Variants in SEC14L4 observed in about 807,000 individuals in gnomAD.
SEC14L4 encodes SEC14 like lipid binding 4.
A neutral mutation model predicts 55.1 loss-of-function variants in SEC14L4; 42 were observed. That is an observed-to-expected ratio of 0.76 (90% confidence interval 0.60 to 0.99). SEC14L4 has a LOEUF of 0.99. Ranked by LOEUF, SEC14L4 falls within the 50% of genes least tolerant of loss-of-function variation. The pLI, the probability that SEC14L4 is intolerant of heterozygous loss-of-function variation, is 0.00. For missense variants in SEC14L4, 445 were observed against 512.1 expected (o/e 0.87, Z 1.27); for synonymous variants, 206 against 206.8 (o/e 1.00, Z 0.03).
At chr22:30,500,527 C>T (rs970187142) in intron 2 of SEC14L4, among the ~76,000 whole-genome samples, 1 of 151,820 alleles carries the variant, frequency 6.6e-6, no homozygotes. Flanking sequence ...CCAACACACC[C>T]GGCTTATTTT....
At position 30,489,761 on chromosome 22, in the gene SEC14L4, T is replaced by TGGGG. The variant is rs746938650; in HGVS notation, c.*345_*346insCCCC. 194 of 1,115,888 alleles carry TGGGG rather than the reference T, an allele frequency of 1.7e-4. No individual in the cohort carries two copies. Among genetic ancestry groups the TGGGG allele is most frequent in the Non-Finnish European group, 2.5e-4 (188 of 750,076 alleles). The allele number at this position is 1,115,888 out of a possible 1,614,324, so 69.1% of individuals were successfully genotyped here. On this transcript the variant is annotated 3_prime_UTR_variant, in exon 12 of 12. Transcript: ENST00000255858. ...CCCCCTGAAGCTGGAACACCAGGCA[T>TGGGG]GGGTGAGTCCTGGGTGGCTGGATCT... is the stretch of plus-strand genomic sequence containing the variant.
At chr22:30,495,225 T>C (rs779828588) in intron 5 of SEC14L4, 29 bp downstream of exon 5, 2 of 1,564,524 alleles carry the variant, frequency 1.3e-6, no homozygotes, top group South Asian at 1.2e-5. Flanking sequence ...TGTAGACAGA[T>C]GAGGCCCAGC....
At position 30,495,871 on chromosome 22, in the gene SEC14L4, CA is replaced by C. The variant is rs1936133052; in HGVS notation, c.174+56del. On this transcript the variant is annotated intron_variant, in intron 3 of 11. Transcript: ENST00000255858. ...GGCCAGAGTCTCTACCCTTTTGCAG[CA>C]AATCCCTGGGTCACAGTGCATGGAA... The C allele has an allele frequency of 1.1e-5, 18 of 1,595,558 alleles. No homozygotes were observed. In the South Asian group the frequency reaches 1.9e-4, roughly 17 times the overall value.
intron 2 of SEC14L4, 50 bp from the exon 3 acceptor site, chr22:30,496,021 C>T: frequency 1.3e-6 from 2 of 1,561,974 alleles, no homozygotes; most frequent in Non-Finnish European, 1.8e-6. Flanking sequence ...CCAGAAAGAG[C>T]CCTTCCCTAA....
At chr22:30,505,105 C>T (rs1168507684) in intron 1 of SEC14L4, among the ~76,000 whole-genome samples, 1 of 147,466 alleles carries the variant, frequency 6.8e-6, no homozygotes, top group South Asian at 2.2e-4. Flanking sequence ...ACACTCCAGC[C>T]TGGACGACAG....
chr22:30,505,538 C>T lies in SEC14L4; in HGVS notation c.54+20G>A, dbSNP rs1325846874. ...GCTCAGGGCCCCTCCTCAAGCCTCC[C>T]AGCCCGCGATGCTCCTCACCCTGGC... On this transcript the variant is annotated intron_variant, in intron 1 of 11. Transcript: ENST00000255858. 6.4e-7 allele frequency: 1 copy of T among 1,557,678 alleles called. No homozygotes were observed.
intron 1 of SEC14L4, among the ~76,000 whole-genome samples, chr22:30,504,331 AG>A (rs11334022): frequency 0.23 from 35,420 of 152,020 alleles, 4,310 homozygotes; most frequent in Admixed American, 0.28. Context: ...CTGGGATCAC[AG>A]GCGTGAGCCA....
chr22:30,490,829 A>G (rs1935928260), intron 11 of SEC14L4, among the ~76,000 whole-genome samples: 1 of 152,162 alleles, frequency 6.6e-6, no homozygotes, highest in Non-Finnish European at 1.5e-5. Flanking sequence ...TCCTTTATCC[A>G]GATGTCCCAA....
Position 30,505,663 on chromosome 22 carries a change from C to A in SEC14L4, c.-52G>T. 1 of 1,494,716 alleles carries A rather than the reference C, an allele frequency of 6.7e-7. No homozygotes were observed. The highest frequency in any genetic ancestry group is 2.5e-5 in the East Asian group (1 of 40,518). 92.6% of individuals were successfully genotyped at this position (1,494,716 alleles called of 1,614,324 possible). Reference sequence around the variant, plus strand: ...GGGCGCAGGTCCGCCCGCCCGCCGCCGCCTGGCCTTGTATCCGCTGCCGCC... The same window carrying A: ...GGGCGCAGGTCCGCCCGCCCGCCGCAGCCTGGCCTTGTATCCGCTGCCGCC... On this transcript the variant is annotated 5_prime_UTR_variant, in exon 1 of 12. Coordinates refer to ENST00000255858, the MANE Select transcript of SEC14L4 (RefSeq NM_174977.4).
chr22:30,504,398 G>C (rs1479387507), intron 1 of SEC14L4, among the ~76,000 whole-genome samples: 1 of 152,146 alleles, frequency 6.6e-6, no homozygotes, highest in Non-Finnish European at 1.5e-5. Flanking sequence ...GTCTGATGCA[G>C]GCCAGCTAGG....
intron 6 of SEC14L4, 46 bp from the exon 7 acceptor site, chr22:30,494,256 C>G (rs1392576704): frequency 6.7e-7 from 1 of 1,497,980 alleles, no homozygotes; most frequent in Non-Finnish European, 9.3e-7. Context: ...TCCATCACCT[C>G]CCGCCCATGG....
chr22:30,494,033 C>T, intron 7 of SEC14L4, 117 bp downstream of exon 7: 3 of 778,608 alleles, frequency 3.9e-6, no homozygotes, highest in Non-Finnish European at 6.6e-6. Flanking sequence ...ACCAACCACA[C>T]AAAACCTGGT....
chr22:30,501,152 C>T (rs1209874969), intron 2 of SEC14L4, among the ~76,000 whole-genome samples: 1 of 152,160 alleles, frequency 6.6e-6, no homozygotes, highest in Non-Finnish European at 1.5e-5. Context: ...CAAGCTCAGC[C>T]TCAGCAGTAG....
At chr22:30,493,138 C>T (rs1261798814) in intron 7 of SEC14L4, among the ~76,000 whole-genome samples, 1 of 151,908 alleles carries the variant, frequency 6.6e-6, no homozygotes, top group African/African-American at 2.4e-5. Context: ...GCTGTCTCCC[C>T]AACCCAGTTG....
chr22:30,490,275 C>G lies in SEC14L4; in HGVS notation c.1082-29G>C, dbSNP rs559431928. ...CAGTGATGGAGAGGTGATCAGGGAG[C>G]ACAAACCCCGCACATCTGCAGGAAG... On this transcript the variant is annotated intron_variant, in intron 11 of 11. Transcript: ENST00000255858. 4.3e-6 allele frequency: 7 copies of G among 1,609,282 alleles called. No individual in the cohort carries two copies. The African/African-American group carries it at 8.0e-5, about 18-fold the overall frequency.
At chr22:30,496,186 T>A (rs73392182) in intron 2 of SEC14L4, among the ~76,000 whole-genome samples, 2,062 of 152,272 alleles carry the variant, frequency 0.014, 46 homozygotes, top group African/African-American at 0.046. Context: ...AGTGATGTGA[T>A]CATAGCTTAC....
chr22:30,495,240 C>G lies in SEC14L4; in HGVS notation c.423+14G>C. ...TGTAGACAGATGAGGCCCAGCCCCA[C>G]CCCCGCTGCTCACCTTCTGAGTTTG... On this transcript the variant is annotated intron_variant, in intron 5 of 11. Coordinates refer to ENST00000255858, the MANE Select transcript of SEC14L4 (RefSeq NM_174977.4). 1 of 1,591,130 alleles carries G rather than the reference C, an allele frequency of 6.3e-7. No homozygotes were observed. Among genetic ancestry groups the G allele is most frequent in the Admixed American group, 1.7e-5 (1 of 58,396 alleles).
At chr22:30,491,484 C>A in intron 11 of SEC14L4, 89 bp downstream of exon 11, 1 of 1,503,972 alleles carries the variant, frequency 6.6e-7, no homozygotes. Context: ...TTACAGAGAT[C>A]CCCCCACCCT....
At chr22:30,493,281 T>G (rs1246876802) in intron 7 of SEC14L4, among the ~76,000 whole-genome samples, 1 of 152,144 alleles carries the variant, frequency 6.6e-6, no homozygotes, top group Non-Finnish European at 1.5e-5. Flanking sequence ...TGTCCTGCCC[T>G]GAATTGCTCA....
Sources: allele counts gnomAD v4.1 joint callset (sites outside exome capture counted in the v4.1 genomes callset), GRCh38; gene constraint gnomAD v4.1.1; transcripts MANE v1.5; gene names NCBI Gene and HGNC (gene_info 2026-07-23, HGNC 2026-07-21).